The following TAS2R1 variants were observed in gnomAD, a reference collection of about 807,000 sequenced individuals.
TAS2R1 encodes the protein taste 2 receptor member 1, also known as taste receptor type 2 member 1.
For missense variants in TAS2R1, 370 were observed against 353.4 expected (o/e 1.05, Z -0.38); for synonymous variants, 141 against 134.2 (o/e 1.05, Z -0.35).
the TAS2R1 span, among the ~76,000 whole-genome samples, chr5:9,755,211 G>C: frequency 6.6e-6 from 1 of 152,166 alleles, no homozygotes; most frequent in Non-Finnish European, 1.5e-5. Flanking sequence ...CAGACTCCGA[G>C]AGAGTAGTAC....
chr5:9,784,817 A>G, the TAS2R1 span, among the ~76,000 whole-genome samples: 1 of 152,162 alleles, frequency 6.6e-6, no homozygotes, highest in Non-Finnish European at 1.5e-5. Context: ...TTGCATGGCC[A>G]TCTTCATATA....
At chr5:9,724,187 G>A in the TAS2R1 span, among the ~76,000 whole-genome samples, 2 of 151,936 alleles carry the variant, frequency 1.3e-5, no homozygotes, top group African/African-American at 2.4e-5. Context: ...TCTTCCCATC[G>A]GCCACATTAG....
chr5:9,796,721 GA>G, the TAS2R1 span, among the ~76,000 whole-genome samples: 1,359 of 99,736 alleles, frequency 0.014, 17 homozygotes, highest in African/African-American at 0.037. Context: ...CTATTTTCTG[GA>G]AAAAAAAAAA....
chr5:9,873,408 C>T, the TAS2R1 span, among the ~76,000 whole-genome samples: 1 of 143,734 alleles, frequency 7.0e-6, no homozygotes, highest in Non-Finnish European at 1.5e-5. Flanking sequence ...AAGACCAGGC[C>T]TTTTTTTTTT....
chr5:9,852,852 A>AT, the TAS2R1 span, among the ~76,000 whole-genome samples: 27,246 of 151,174 alleles, frequency 0.18, 2,849 homozygotes, highest in African/African-American at 0.27. Context: ...GAAAAAAAAA[A>AT]ATATATATAT....
At chr5:9,729,655 A>G in the TAS2R1 span, among the ~76,000 whole-genome samples, 1 of 152,180 alleles carries the variant, frequency 6.6e-6, no homozygotes, top group African/African-American at 2.4e-5. Flanking sequence ...ATTAGTTTAA[A>G]GCAGGCACGC....
intron 1 of TAS2R1, among the ~76,000 whole-genome samples, chr5:9,672,790 T>G (rs1454340307): frequency 1.3e-5 from 2 of 152,160 alleles, no homozygotes; most frequent in Non-Finnish European, 2.9e-5. Flanking sequence ...AATCCCATTA[T>G]TGGGTATATA....
chr5:9,646,477 T>C (rs1022605361), intron 2 of TAS2R1, among the ~76,000 whole-genome samples: 3 of 152,190 alleles, frequency 2.0e-5, no homozygotes, highest in African/African-American at 7.2e-5. Context: ...TGGAAGATGA[T>C]AATGTGTGCT....
chr5:9,831,642 ATAT>A, the TAS2R1 span, among the ~76,000 whole-genome samples: 1 of 150,496 alleles, frequency 6.6e-6, no homozygotes, highest in Non-Finnish European at 1.5e-5. Context: ...AAATCGTAAC[ATAT>A]TAGTTTTAAA....
chr5:9,776,261 C>A, the TAS2R1 span, among the ~76,000 whole-genome samples: 1 of 152,180 alleles, frequency 6.6e-6, no homozygotes, highest in Non-Finnish European at 1.5e-5. Flanking sequence ...AGTCACTGCA[C>A]TCTCCCTCCC....
chr5:9,848,748 T>G, the TAS2R1 span, among the ~76,000 whole-genome samples: 19,482 of 152,124 alleles, frequency 0.13, 1,439 homozygotes, highest in East Asian at 0.23. Context: ...GTTAATAAAG[T>G]TGGGGAGATA....
chr5:9,819,610 G>A, the TAS2R1 span, among the ~76,000 whole-genome samples: 14 of 152,274 alleles, frequency 9.2e-5, no homozygotes, highest in African/African-American at 3.4e-4. Context: ...GTTTTATTAG[G>A]TAAGAAATGG....
chr5:9,769,892 T>C, the TAS2R1 span, among the ~76,000 whole-genome samples: 1 of 152,206 alleles, frequency 6.6e-6, no homozygotes, highest in Non-Finnish European at 1.5e-5. Flanking sequence ...ATTCTTTCCT[T>C]GTCTGTGCAG....
intron 1 of TAS2R1, among the ~76,000 whole-genome samples, chr5:9,669,507 T>C (rs1288559847): frequency 6.6e-6 from 1 of 152,010 alleles, no homozygotes; most frequent in Non-Finnish European, 1.5e-5. Context: ...AACCACACAA[T>C]GGCCATAAAC....
At chr5:9,777,635 T>C in the TAS2R1 span, among the ~76,000 whole-genome samples, 1 of 152,246 alleles carries the variant, frequency 6.6e-6, no homozygotes, top group East Asian at 1.9e-4. Flanking sequence ...GTGTTCTTAA[T>C]GACATCTAGA....
the TAS2R1 span, among the ~76,000 whole-genome samples, chr5:9,790,414 C>T: frequency 2.0e-5 from 3 of 152,120 alleles, no homozygotes; most frequent in African/African-American, 4.8e-5. Context: ...TCAACTGAAG[C>T]CACATCGGTG....
chr5:9,891,547 G>A, the TAS2R1 span, among the ~76,000 whole-genome samples: 1 of 152,056 alleles, frequency 6.6e-6, no homozygotes, highest in African/African-American at 2.4e-5. Context: ...GGTGGCTGGG[G>A]GAGGGCTCAG....
chr5:9,757,534 T>C, the TAS2R1 span, among the ~76,000 whole-genome samples: 2 of 152,296 alleles, frequency 1.3e-5, no homozygotes, highest in Middle Eastern at 3.4e-3. Flanking sequence ...TACATCTTCT[T>C]AAAGTGGCAA....
the TAS2R1 span, among the ~76,000 whole-genome samples, chr5:9,877,455 CCT>C: frequency 6.6e-6 from 1 of 152,154 alleles, no homozygotes; most frequent in Non-Finnish European, 1.5e-5. Context: ...ACAAATTATG[CCT>C]CTTTCTCCCC....
Sources: gnomAD v4.1 joint callset for allele counts (sites outside exome capture counted in the v4.1 genomes callset) on GRCh38, gnomAD v4.1.1 for gene constraint, MANE v1.5 for transcripts, NCBI Gene and HGNC (gene_info 2026-07-23, HGNC 2026-07-21) for gene names.